Variants in TOX3 observed in about 807,000 individuals in gnomAD.
The protein encoded by TOX3 is TOX high mobility group box family member 3, also known as CAG trinucleotide repeat-containing gene F9 protein.
A neutral mutation model predicts 64.3 loss-of-function variants in TOX3; 22 were observed. That is an observed-to-expected ratio of 0.34 (90% CI 0.24 to 0.49). The LOEUF is 0.49. Among genes scored for constraint, TOX3 ranks in the 20% least tolerant of loss-of-function variants. TOX3 has a pLI of 0.99. For missense variants in TOX3, 661 were observed against 714.4 expected (o/e 0.93, Z 0.85); for synonymous variants, 291 against 273.6 (o/e 1.06, Z -0.63).
At position 52,538,996 on chromosome 16, in the gene TOX3, C is replaced by T. The variant is rs180966216; in HGVS notation, c.87+7641G>A. On this transcript the variant is annotated intron_variant, in intron 1 of 6. Transcript: ENST00000219746. ...TTTTTTTTTAGAGCACTAATTCCAC[C>T]TTCAAAATATATTTGAGTTTGTAAG... Among the ~76,000 whole-genome samples, 3 of 152,084 alleles carry T rather than the reference C, an allele frequency of 2.0e-5. No individual in the cohort carries two copies. The East Asian group carries it at 5.8e-4, about 29-fold the overall frequency.
intron 1 of TOX3, among the ~76,000 whole-genome samples, chr16:52,487,312 A>AG (rs1369557108): frequency 6.6e-6 from 1 of 151,602 alleles, no homozygotes; most frequent in Non-Finnish European, 1.5e-5. Context: ...ATGGAAAAAA[A>AG]AAAAAGAAAG....
intron 2 of TOX3, among the ~76,000 whole-genome samples, chr16:52,465,504 T>A (rs551549989): frequency 0.012 from 1,004 of 81,358 alleles, 13 homozygotes; most frequent in Non-Finnish European, 0.018. Context: ...AGGTGGAGGG[T>A]TTGGGGGGCT....
Position 52,438,916 on chromosome 16 carries a change from G to A in TOX3, c.*309C>T, listed in dbSNP as rs770692887. 2 of 550,566 alleles carry A rather than the reference G, an allele frequency of 3.6e-6. No individual in the cohort carries two copies. Among genetic ancestry groups the A allele is most frequent in the South Asian group, 2.8e-5 (2 of 71,694 alleles). The allele number at this position is 550,566 out of a possible 1,614,324, so 34.1% of individuals were successfully genotyped here. On this transcript the variant is annotated 3_prime_UTR_variant, in exon 7 of 7. Transcript: ENST00000219746. ...CAGAGAGGCCAGTTTATAGTCATCAGTATGTCCCAGGATTCATTAAACAGT... is the reference window on the plus strand; with the variant it reads ...CAGAGAGGCCAGTTTATAGTCATCAATATGTCCCAGGATTCATTAAACAGT...
intron 1 of TOX3, among the ~76,000 whole-genome samples, chr16:52,483,704 G>T (rs1961430169): frequency 6.6e-6 from 1 of 151,114 alleles, no homozygotes; most frequent in Non-Finnish European, 1.5e-5. Flanking sequence ...GAGTAGCTTG[G>T]ATTACAGGTG....
At chr16:52,444,827 A>G (rs978779858) in intron 5 of TOX3, 1 of 152,540 alleles carries the variant, frequency 6.6e-6, no homozygotes, top group African/African-American at 2.4e-5. Flanking sequence ...AACAGGTAAA[A>G]TGATGAAGAC....
chr16:52,470,737 CAGCGTTTAGTCA>C (rs1961018542), intron 1 of TOX3, among the ~76,000 whole-genome samples: 1 of 152,152 alleles, frequency 6.6e-6, no homozygotes, highest in African/African-American at 2.4e-5. Flanking sequence ...GCAGGCCACG[CAGCGTTTAGTCA>C]AGCAGGTGGC....
At chr16:52,518,708 A>G (rs1266507948) in intron 1 of TOX3, among the ~76,000 whole-genome samples, 1 of 152,236 alleles carries the variant, frequency 6.6e-6, no homozygotes, top group Admixed American at 6.5e-5. Context: ...ACAGAGATGA[A>G]GAATACCTCA....
In TOX3 at chr16:52,464,014, T is replaced by C. The variant is rs745514528; in HGVS notation, c.328A>G (p.Ser110Gly). The C allele has an allele frequency of 3.1e-6, 5 of 1,599,528 alleles. No homozygotes were observed. Among genetic ancestry groups the C allele is most frequent in the South Asian group, 1.1e-5 (1 of 88,242 alleles). The change falls in exon 3 of 7, where the codon AGC becomes GGC. Residue 110 changes from serine to glycine, a missense_variant. Around this residue, in one of 3 missense-constraint regions of TOX3, gnomAD observed 259 missense variants for 261.2 expected, o/e 0.99. Transcript: ENST00000219746. The part of the protein sequence containing the change: ...SEFTPQFPPQ[S>G]LDLPSITISR... ...ATTGTAATGGAAGGGAGGTCCAGGC[T>C]TTGAGGGGGAAACTGGGGTGTGAAT...
intron 1 of TOX3, among the ~76,000 whole-genome samples, chr16:52,484,351 G>A (rs1381928959): frequency 6.6e-6 from 1 of 152,106 alleles, no homozygotes; most frequent in African/African-American, 2.4e-5. Context: ...ACCATATCCA[G>A]TTTGACAGAA....
At position 52,545,784 on chromosome 16, in the gene TOX3, A is replaced by G. The variant is rs1428188326; in HGVS notation, c.87+853T>C. 4.6e-5 allele frequency among the ~76,000 whole-genome samples: 7 copies of G among 152,176 alleles called. No individual in the cohort carries two copies. The East Asian group carries it at 1.2e-3, about 25-fold the overall frequency. On this transcript the variant is annotated intron_variant, in intron 1 of 6. Coordinates refer to ENST00000219746, the MANE Select transcript of TOX3 (RefSeq NM_001080430.4). ...AGAGGACACCGGATGGTGGGGGGGA[A>G]TTCCGCGCGGCCCGGGTACCAGGGC...
chr16:52,456,228 A>C (rs1055728435), intron 3 of TOX3, among the ~76,000 whole-genome samples: 2 of 152,254 alleles, frequency 1.3e-5, no homozygotes, highest in Admixed American at 1.3e-4. Context: ...ATTGCAATAA[A>C]TATTAACTGA....
In TOX3 at chr16:52,436,770, A is replaced by C. The variant is rs1264406893; in HGVS notation, c.*2455T>G. The C allele has an allele frequency of 6.6e-6, 1 of 152,216 alleles. No homozygotes were observed. Among genetic ancestry groups the C allele is most frequent in the Non-Finnish European group, 1.5e-5 (1 of 68,036 alleles). 9.4% of individuals were successfully genotyped at this position (152,216 alleles called of 1,614,324 possible). A position where few individuals can be genotyped will look rare whatever the true frequency, so the allele number is the denominator to read the frequency against. Reference sequence around the variant, plus strand: ...ATAAAATCATTTAATAGATGTTACAACACCTGCTTCTAACTGCAAACAGTT... The same window carrying C: ...ATAAAATCATTTAATAGATGTTACACCACCTGCTTCTAACTGCAAACAGTT... On this transcript the variant is annotated 3_prime_UTR_variant, in exon 7 of 7. Transcript: ENST00000219746.
intron 3 of TOX3, among the ~76,000 whole-genome samples, chr16:52,463,235 T>C (rs1036865615): frequency 6.6e-6 from 1 of 152,142 alleles, no homozygotes. Context: ...TTATATGCTA[T>C]GATGGAAAAA....
At chr16:52,516,232 A>AT (rs965833394) in intron 1 of TOX3, among the ~76,000 whole-genome samples, 1 of 152,194 alleles carries the variant, frequency 6.6e-6, no homozygotes, top group African/African-American at 2.4e-5. Context: ...TGCATTTAAT[A>AT]TTTTTTATCC....
At chr16:52,500,166 T>C (rs1283587532) in intron 1 of TOX3, among the ~76,000 whole-genome samples, 1 of 152,250 alleles carries the variant, frequency 6.6e-6, no homozygotes, top group Non-Finnish European at 1.5e-5. Flanking sequence ...TAATGTTTAG[T>C]CTGTAAAGGA....
chr16:52,506,112 C>T (rs910511740), intron 1 of TOX3, among the ~76,000 whole-genome samples: 37 of 152,202 alleles, frequency 2.4e-4, no homozygotes, highest in African/African-American at 8.4e-4. Context: ...CAAGAGCCGT[C>T]GTGTTAAATG....
intron 1 of TOX3, among the ~76,000 whole-genome samples, chr16:52,535,189 C>T (rs578066399): frequency 3.9e-5 from 6 of 152,278 alleles, no homozygotes; most frequent in African/African-American, 1.2e-4. Flanking sequence ...CCTCACCCAT[C>T]GCTCACTCAC....
At chr16:52,470,768 T>C (rs1422361300) in intron 1 of TOX3, among the ~76,000 whole-genome samples, 1 of 152,196 alleles carries the variant, frequency 6.6e-6, no homozygotes, top group Non-Finnish European at 1.5e-5. Context: ...GCTCCAGTGG[T>C]CCAGGTAATT....
chr16:52,451,736 C>G lies in TOX3; in HGVS notation c.409-1190G>C, dbSNP rs150444026. On this transcript the variant is annotated intron_variant, in intron 3 of 6. Transcript: ENST00000219746. Reference sequence around the variant, plus strand: ...TCATATTAAATATATAAATGCCACTCAATGAGAAGATCTATCAAAGAAAAC... The same window carrying G: ...TCATATTAAATATATAAATGCCACTGAATGAGAAGATCTATCAAAGAAAAC... Among the ~76,000 whole-genome samples, 635 of 152,248 alleles carry G rather than the reference C, an allele frequency of 4.2e-3. 4 individuals are homozygous for G. The highest frequency in any genetic ancestry group is 0.015 in the African/African-American group (607 of 41,536).
Sources: gnomAD v4.1 joint callset for allele counts (sites outside exome capture counted in the v4.1 genomes callset) on GRCh38, gnomAD v4.1.1 for gene constraint, gnomAD v4.1.1 regional missense constraint, MANE v1.5 for transcripts, NCBI Gene and HGNC (gene_info 2026-07-23, HGNC 2026-07-21) for gene names.